Variants in CMIP observed in about 807,000 individuals in gnomAD.
CMIP encodes the protein C-Maf-inducing protein.
Under a neutral mutation model 97.3 loss-of-function variants are expected in CMIP, and 13 were observed. The observed-to-expected ratio is 0.13, with a 90% CI of 0.09 to 0.21. The LOEUF is 0.21. Ranked by LOEUF, CMIP falls within the 10% of genes least tolerant of loss-of-function variation. CMIP has a pLI of 1.00. For synonymous variants in CMIP, 538 were observed against 436.3 expected, an observed-to-expected ratio of 1.23 and a Z score of -2.91; for missense variants, 847 against 1,024.9, an observed-to-expected ratio of 0.83 and a Z score of 2.37.
chr16:81,504,363 C>G (rs1039289719), intron 1 of CMIP, among the ~76,000 whole-genome samples: 1 of 151,484 alleles, frequency 6.6e-6, no homozygotes, highest in African/African-American at 2.4e-5. Flanking sequence ...GCCAGCGGGG[C>G]TGGGCACCAT....
chr16:81,451,940 G>T (rs1366107981), intron 1 of CMIP, among the ~76,000 whole-genome samples: 1 of 152,248 alleles, frequency 6.6e-6, no homozygotes, highest in Non-Finnish European at 1.5e-5. Flanking sequence ...CACCGAGGGA[G>T]ACTGTGCGCA....
intron 1 of CMIP, among the ~76,000 whole-genome samples, chr16:81,451,553 G>A (rs1034772476): frequency 3.9e-5 from 6 of 152,208 alleles, no homozygotes; most frequent in African/African-American, 1.4e-4. Context: ...AATTCTTTGG[G>A]ATGGGGGAGC....
intron 1 of CMIP, among the ~76,000 whole-genome samples, chr16:81,533,006 C>A (rs2090269443): frequency 6.6e-6 from 1 of 152,176 alleles, no homozygotes; most frequent in African/African-American, 2.4e-5. Flanking sequence ...ACCCACACCA[C>A]ACGCTCCCTC....
intron 1 of CMIP, among the ~76,000 whole-genome samples, chr16:81,587,796 C>A (rs909550201): frequency 1.4e-4 from 21 of 152,152 alleles, no homozygotes; most frequent in African/African-American, 5.1e-4. Flanking sequence ...ACGTTGATCC[C>A]CTCCTGAGGG....
chr16:81,698,537 C>T (rs898180461), intron 14 of CMIP, among the ~76,000 whole-genome samples: 2 of 152,148 alleles, frequency 1.3e-5, no homozygotes, highest in Admixed American at 1.3e-4. Flanking sequence ...CCAGCGGTGC[C>T]AGGAATTCAA....
chr16:81,510,302 T>G (rs990812977), intron 1 of CMIP, among the ~76,000 whole-genome samples: 1 of 152,188 alleles, frequency 6.6e-6, no homozygotes, highest in African/African-American at 2.4e-5. Flanking sequence ...GTCGCCCAAG[T>G]GGGACCATGA....
intron 1 of CMIP, among the ~76,000 whole-genome samples, chr16:81,541,168 G>A (rs558312396): frequency 3.3e-5 from 5 of 152,060 alleles, no homozygotes; most frequent in South Asian, 2.1e-4. Flanking sequence ...CTCCACCCCC[G>A]ACCCTGTTCC....
chr16:81,625,272 G>A (rs539214685), intron 3 of CMIP, among the ~76,000 whole-genome samples: 2 of 152,276 alleles, frequency 1.3e-5, no homozygotes, highest in African/African-American at 2.4e-5. Flanking sequence ...ATTCGCTAGA[G>A]CAGAAGCTGC....
At position 81,583,386 on chromosome 16, in the gene CMIP, C is replaced by T. The variant is rs1049502410; in HGVS notation, c.301-24181C>T. On this transcript the variant is annotated intron_variant, in intron 1 of 20. Coordinates refer to ENST00000537098, the MANE Select transcript of CMIP (RefSeq NM_198390.3). Reference sequence around the variant, plus strand: ...TCTGTTCTTTAACCCTGAATGGGATCGGCCACTGATCTATTCTTGTCACTT... The same window carrying T: ...TCTGTTCTTTAACCCTGAATGGGATTGGCCACTGATCTATTCTTGTCACTT... Among the ~76,000 whole-genome samples, 8 of 152,358 alleles carry T rather than the reference C, an allele frequency of 5.3e-5. No individual in the cohort carries two copies. In the East Asian group the frequency reaches 7.7e-4, roughly 15 times the overall value.
chr16:81,703,695 C>T (rs1381952639), intron 17 of CMIP, among the ~76,000 whole-genome samples: 1 of 152,046 alleles, frequency 6.6e-6, no homozygotes, highest in Non-Finnish European at 1.5e-5. Context: ...AGTCACAGCA[C>T]TGGAGGCTTT....
At chr16:81,466,454 G>A (rs972314296) in intron 1 of CMIP, among the ~76,000 whole-genome samples, 1 of 152,170 alleles carries the variant, frequency 6.6e-6, no homozygotes, top group Non-Finnish European at 1.5e-5. Context: ...TCTTAGCTCT[G>A]CCACTTACTA....
At chr16:81,545,323 C>T (rs964391447) in intron 1 of CMIP, among the ~76,000 whole-genome samples, 3 of 152,188 alleles carry the variant, frequency 2.0e-5, no homozygotes, top group Admixed American at 6.5e-5. Context: ...GTATCACCAG[C>T]GCCTAGCATG....
In CMIP at chr16:81,452,885, G is replaced by GTTTTTTTTTTTT. The variant is rs558606255; in HGVS notation, c.300+7352_300+7363dup. ...TTTTCTTTTGTTTTTTTTTTGTTTT[G>GTTTTTTTTTTTT]TTTTTTTTTTTTTTTTTTTGCAAAC... is the stretch of plus-strand genomic sequence containing the variant. On this transcript the variant is annotated intron_variant, in intron 1 of 20. Transcript: ENST00000537098. 4.8e-4 allele frequency among the ~76,000 whole-genome samples: 62 copies of GTTTTTTTTTTTT among 129,216 alleles called. 2 individuals are homozygous for GTTTTTTTTTTTT. Among genetic ancestry groups the GTTTTTTTTTTTT allele is most frequent in the African/African-American group, 1.6e-3 (55 of 34,572 alleles). The allele number at this position is 129,216 out of a possible 152,430, so 84.8% of individuals were successfully genotyped here.
intron 9 of CMIP, among the ~76,000 whole-genome samples, chr16:81,676,881 C>G (rs1904332282): frequency 6.6e-6 from 1 of 152,136 alleles, no homozygotes; most frequent in African/African-American, 2.4e-5. Context: ...AGCCTGGGAG[C>G]CCCTTTAGAG....
At chr16:81,686,129 C>A (rs1182807469) in intron 10 of CMIP, among the ~76,000 whole-genome samples, 1 of 152,218 alleles carries the variant, frequency 6.6e-6, no homozygotes, top group African/African-American at 2.4e-5. Context: ...CGCATGGGAG[C>A]CCTTGGAGAG....
chr16:81,569,761 A>G (rs1001844864), intron 1 of CMIP, among the ~76,000 whole-genome samples: 2 of 152,190 alleles, frequency 1.3e-5, no homozygotes, highest in Admixed American at 1.3e-4. Flanking sequence ...TAGCTTCACC[A>G]CTGCCCAGGT....
chr16:81,703,296 C>T (rs1478537845), intron 17 of CMIP, among the ~76,000 whole-genome samples: 1 of 152,082 alleles, frequency 6.6e-6, no homozygotes, highest in African/African-American at 2.4e-5. Context: ...CGGGCAGCCA[C>T]AGGGCCGCTG....
chr16:81,470,200 C>T (rs1907438757), intron 1 of CMIP, among the ~76,000 whole-genome samples: 1 of 152,196 alleles, frequency 6.6e-6, no homozygotes, highest in African/African-American at 2.4e-5. Flanking sequence ...TAAAGCGGCC[C>T]CTGGCCTCAG....
At chr16:81,696,138 CCAAA>C (rs1906692276) in intron 13 of CMIP, 2 of 257,984 alleles carry the variant, frequency 7.8e-6, no homozygotes, top group Admixed American at 1.0e-4. Flanking sequence ...GGACAGAGAA[CCAAA>C]CAGAGAACGG....
Sources: allele counts gnomAD v4.1 joint callset (sites outside exome capture counted in the v4.1 genomes callset), GRCh38; gene constraint gnomAD v4.1.1; transcripts MANE v1.5; gene names NCBI Gene and HGNC (gene_info 2026-07-23, HGNC 2026-07-21).